Variants in PRP4K observed in about 807,000 individuals in gnomAD.
PRP4K encodes serine/threonine-protein kinase PRP4 homolog.
chr6:4,026,166 T>C, the PRP4K span, among the ~76,000 whole-genome samples: 2 of 150,602 alleles, frequency 1.3e-5, no homozygotes, highest in African/African-American at 4.9e-5. Flanking sequence ...CACGCCCGGC[T>C]AATTTTTTTG....
At chr6:4,026,163 G>A in the PRP4K span, among the ~76,000 whole-genome samples, 399 of 151,828 alleles carry the variant, frequency 2.6e-3, 1 homozygote, top group African/African-American at 9.1e-3. Flanking sequence ...CACCACGCCC[G>A]GCTAATTTTT....
the PRP4K span, among the ~76,000 whole-genome samples, chr6:4,035,868 G>A: frequency 6.6e-6 from 1 of 152,078 alleles, no homozygotes; most frequent in African/African-American, 2.4e-5. Flanking sequence ...TCAAGGCTGA[G>A]GCGGGAGAAT....
chr6:4,037,553 C>T, the PRP4K span: 269 of 1,613,440 alleles, frequency 1.7e-4, no homozygotes, highest in Admixed American at 5.8e-4. Context: ...GAAGAAGAAG[C>T]AGATCTCCTC....
the PRP4K span, chr6:4,040,724 A>T: frequency 5.1e-6 from 8 of 1,573,564 alleles, no homozygotes; most frequent in Admixed American, 1.4e-4. Context: ...TGCCTTTCCC[A>T]CTTTGACATT....
chr6:4,043,362 A>G, the PRP4K span, among the ~76,000 whole-genome samples: 2 of 152,196 alleles, frequency 1.3e-5, no homozygotes, highest in Non-Finnish European at 2.9e-5. Flanking sequence ...GCTCAGGTCC[A>G]CAACCCCTTA....
At chr6:4,057,847 C>T in the PRP4K span, among the ~76,000 whole-genome samples, 7 of 150,316 alleles carry the variant, frequency 4.7e-5, no homozygotes, top group South Asian at 2.1e-4. Context: ...CTCTGCCTCC[C>T]GGGTTCATGC....
At chr6:4,040,830 C>T in the PRP4K span, 3 of 1,613,720 alleles carry the variant, frequency 1.9e-6, no homozygotes, top group East Asian at 2.2e-5. Context: ...ACGCGGTGGT[C>T]GTAGACGAAG....
chr6:4,032,661 C>T, the PRP4K span: 1 of 1,613,824 alleles, frequency 6.2e-7, no homozygotes, highest in South Asian at 1.1e-5. Context: ...GAGCAAATCC[C>T]CCTCGCGGAC....
chr6:4,037,971 G>T, the PRP4K span, among the ~76,000 whole-genome samples: 1 of 151,538 alleles, frequency 6.6e-6, no homozygotes, highest in East Asian at 1.9e-4. Context: ...CTTAGGCAAA[G>T]GCCTATTTAA....
chr6:4,037,218 C>T, the PRP4K span, among the ~76,000 whole-genome samples: 3 of 152,040 alleles, frequency 2.0e-5, no homozygotes, highest in Admixed American at 2.0e-4. Flanking sequence ...TCATTGTTTG[C>T]CTGCAATAAC....
chr6:4,061,340 C>T, the PRP4K span: 3 of 152,670 alleles, frequency 2.0e-5, no homozygotes, highest in Non-Finnish European at 2.9e-5. Flanking sequence ...TGGAAGAGAA[C>T]GCGCTTGATG....
the PRP4K span, among the ~76,000 whole-genome samples, chr6:4,048,604 T>G: frequency 6.6e-6 from 1 of 152,084 alleles, no homozygotes; most frequent in Non-Finnish European, 1.5e-5. Context: ...TGTCCTAGAC[T>G]AAAGTGCAGA....
the PRP4K span, among the ~76,000 whole-genome samples, chr6:4,028,987 C>T: frequency 1.4e-5 from 2 of 146,958 alleles, no homozygotes; most frequent in African/African-American, 5.0e-5. Flanking sequence ...ATCTTGTTAT[C>T]TCCTGGAATT....
At chr6:4,060,673 AG>A in the PRP4K span, 1 of 1,442,110 alleles carries the variant, frequency 6.9e-7, no homozygotes, top group Non-Finnish European at 9.4e-7. This position sits in a 1 kb window ranked among gnomAD's most constrained non-coding sequence, Gnocchi z 4.7. Context: ...GAAATTTCAC[AG>A]CAGTTTATTA....
At chr6:4,040,814 T>C in the PRP4K span, 1 of 1,613,922 alleles carries the variant, frequency 6.2e-7, no homozygotes, top group Non-Finnish European at 8.5e-7. Flanking sequence ...GAAGGCGGTC[T>C]CGATCACGCG....
the PRP4K span, among the ~76,000 whole-genome samples, chr6:4,022,537 T>A: frequency 6.6e-6 from 1 of 151,758 alleles, no homozygotes; most frequent in African/African-American, 2.4e-5. Flanking sequence ...AGAGGTATAG[T>A]CTCCCAGCAA....
the PRP4K span, among the ~76,000 whole-genome samples, chr6:4,031,042 A>T: frequency 6.6e-6 from 1 of 152,190 alleles, no homozygotes; most frequent in Non-Finnish European, 1.5e-5. Flanking sequence ...TCTGCTCAAA[A>T]CAAGTGACCT....
chr6:4,028,438 C>T, the PRP4K span, among the ~76,000 whole-genome samples: 1 of 152,090 alleles, frequency 6.6e-6, no homozygotes, highest in African/African-American at 2.4e-5. Flanking sequence ...AACTCCTGGG[C>T]TCAAGGAATC....
chr6:4,025,825 G>T, the PRP4K span, among the ~76,000 whole-genome samples: 1 of 152,172 alleles, frequency 6.6e-6, no homozygotes, highest in Non-Finnish European at 1.5e-5. Flanking sequence ...TTTGGGAGGG[G>T]TTGATGAAAT....
Sources: allele counts gnomAD v4.1 joint callset (sites outside exome capture counted in the v4.1 genomes callset), GRCh38; gene constraint gnomAD v4.1.1; non-coding constraint Gnocchi (gnomAD v3.1); transcripts MANE v1.5; gene names NCBI Gene and HGNC (gene_info 2026-07-23, HGNC 2026-07-21).